The following FGFR1OP2 variants were observed in gnomAD, a reference collection of about 807,000 sequenced individuals.
The protein encoded by FGFR1OP2 is FGFR1 oncogene partner 2, also known as fibroblast growth factor receptor 1 oncogene partner 2.
In FGFR1OP2, 17 loss-of-function variants were observed where a neutral mutation model predicts 35.2. That is an observed-to-expected ratio of 0.48 (90% confidence interval 0.33 to 0.73). The LOEUF (loss-of-function observed/expected upper bound fraction) is 0.73, where lower values mean the gene tolerates loss of function less well. FGFR1OP2 is among the 30% of genes least tolerant of loss of function. FGFR1OP2 has a pLI of 0.02. For synonymous variants in FGFR1OP2, 105 were observed against 104.6 expected (o/e 1.00, Z -0.03); for missense variants, 251 against 307.3 (o/e 0.82, Z 1.37).
rs916748168 is a variant in FGFR1OP2, at chr12:26,946,806, C to T, written c.-14-7339C>T. ...CCCGCGCAAAAAGAAACCGTATGTT[C>T]ATTAACAGTCACTTCCCATTCCTCC... On this transcript the variant is annotated intron_variant, in intron 1 of 6. Transcript: ENST00000229395. Among the ~76,000 whole-genome samples the T allele has an allele frequency of 9.8e-5, 15 of 152,286 alleles. No individual in the cohort carries two copies. The East Asian group carries it at 2.5e-3, about 25-fold the overall frequency.
In FGFR1OP2 at chr12:26,964,657, G is replaced by A. The variant is rs1939148876; in HGVS notation, c.686G>A (p.Arg229Lys). 1 of 1,612,934 alleles carries A rather than the reference G, an allele frequency of 6.2e-7. No homozygotes were observed. The highest frequency in any genetic ancestry group is 1.1e-5 in the South Asian group (1 of 91,018). The change falls in exon 7 of 7, where the codon AGG becomes AAG. Residue 229 changes from arginine (R) to lysine (K), a missense_variant. Transcript: ENST00000229395. The stretch of plus-strand genomic sequence containing the variant: ...ACTCGAGAATCATTTTTGAACCTAA[G>A]GAAAGATGATGCGTCGGAAAGTACT... ...QITRESFLNLRKDDASESTSL... is the reference protein window; with the variant it reads ...QITRESFLNLKKDDASESTSL...
chr12:26,940,119 G>A (rs1195493674), intron 1 of FGFR1OP2, among the ~76,000 whole-genome samples: 1 of 152,176 alleles, frequency 6.6e-6, no homozygotes, highest in Non-Finnish European at 1.5e-5. Flanking sequence ...TTAGACTACA[G>A]ACAGTGCTTG....
At chr12:26,946,908 C>T (rs1038847464) in intron 1 of FGFR1OP2, among the ~76,000 whole-genome samples, 1 of 152,100 alleles carries the variant, frequency 6.6e-6, no homozygotes, top group African/African-American at 2.4e-5. Flanking sequence ...CTTTTGGACA[C>T]TATATAAATG....
chr12:26,960,794 A>T (rs377715839), intron 5 of FGFR1OP2, 166 bp downstream of exon 5: 1 of 1,117,392 alleles, frequency 8.9e-7, no homozygotes, highest in East Asian at 2.9e-5. Context: ...TAGAAACTTT[A>T]AATCTCTCAT....
rs1363483999 is a variant in FGFR1OP2 at position 26,960,538 on chromosome 12, G to A, written c.420G>A (p.Lys140=). ...HSKIDMVHRN[K]SEGFFLDASR... ...AGATTGACATGGTACATCGTAACAA[G>A]TCCGAAGGATTCTTCCTTGATGCAT... Residue 140 remains lysine, a synonymous_variant, in exon 5 of 7, where the codon AAG becomes AAA. Coordinates refer to ENST00000229395, the MANE Select transcript of FGFR1OP2 (RefSeq NM_015633.3). 1.9e-6 allele frequency: 3 copies of A among 1,613,086 alleles called. No homozygotes were observed. Among genetic ancestry groups the A allele is most frequent in the Middle Eastern group, 1.6e-4 (1 of 6,080 alleles).
chr12:26,960,723 C>A, intron 5 of FGFR1OP2, 95 bp downstream of exon 5: 1 of 1,451,814 alleles, frequency 6.9e-7, no homozygotes, highest in South Asian at 1.4e-5. Flanking sequence ...CAGATTAGAT[C>A]AGCAAATAAA....
At chr12:26,958,338 A>G (rs1329610730) in intron 4 of FGFR1OP2, among the ~76,000 whole-genome samples, 1 of 152,214 alleles carries the variant, frequency 6.6e-6, no homozygotes, top group Non-Finnish European at 1.5e-5. Flanking sequence ...TCCCATCTAG[A>G]CAACCGAGTG....
At chr12:26,945,134 G>A (rs1026749824) in intron 1 of FGFR1OP2, among the ~76,000 whole-genome samples, 1 of 151,898 alleles carries the variant, frequency 6.6e-6, no homozygotes, top group Admixed American at 6.6e-5. Context: ...TTTTCAGGAG[G>A]TTTTTCAATT....
chr12:26,939,484 A>G lies in FGFR1OP2; in HGVS notation c.-15+774A>G, dbSNP rs77879463. 4.8e-3 allele frequency among the ~76,000 whole-genome samples: 731 copies of G among 152,236 alleles called. 35 individuals carry two copies. The East Asian group carries it at 0.12, about 24-fold the overall frequency. On this transcript the variant is annotated intron_variant, in intron 1 of 6. Coordinates refer to ENST00000229395, the MANE Select transcript of FGFR1OP2 (RefSeq NM_015633.3). ...TAGTCCTGCTTTAATATCCTACCAT[A>G]CAAGACTATACTGGCTATTTCCCCA...
chr12:26,942,434 G>A (rs1938751380), intron 1 of FGFR1OP2, among the ~76,000 whole-genome samples: 1 of 152,228 alleles, frequency 6.6e-6, no homozygotes, highest in Non-Finnish European at 1.5e-5. Flanking sequence ...CTCAGATTCA[G>A]AAAGCTACCA....
intron 1 of FGFR1OP2, among the ~76,000 whole-genome samples, chr12:26,952,448 A>G (rs1336287102): frequency 1.3e-5 from 2 of 152,084 alleles, no homozygotes; most frequent in Non-Finnish European, 2.9e-5. Context: ...AACCTCCTGA[A>G]TCTTACAAGA....
At chr12:26,947,308 A>G (rs1938844086) in intron 1 of FGFR1OP2, among the ~76,000 whole-genome samples, 1 of 151,994 alleles carries the variant, frequency 6.6e-6, no homozygotes, top group African/African-American at 2.4e-5. Context: ...GTGGTTTTGA[A>G]TTGCATTTCA....
chr12:26,959,287 T>C (rs1939068780), intron 4 of FGFR1OP2, among the ~76,000 whole-genome samples: 1 of 152,118 alleles, frequency 6.6e-6, no homozygotes, highest in Admixed American at 6.5e-5. Context: ...AAAATTTAAC[T>C]ATTGTTAATG....
intron 5 of FGFR1OP2, 36 bp downstream of exon 5, chr12:26,960,664 A>T: frequency 6.3e-7 from 1 of 1,581,858 alleles, no homozygotes; most frequent in Non-Finnish European, 8.6e-7. Context: ...TGGGGTGTGG[A>T]TGGAAGGGGG....
intron 4 of FGFR1OP2, among the ~76,000 whole-genome samples, chr12:26,960,154 C>A (rs1226775121): frequency 6.6e-6 from 1 of 150,680 alleles, no homozygotes; most frequent in East Asian, 1.9e-4. Flanking sequence ...TGTTTAGGTA[C>A]TAGTGCTCTG....
At chr12:26,942,298 T>G (rs1938748723) in intron 1 of FGFR1OP2, among the ~76,000 whole-genome samples, 1 of 152,248 alleles carries the variant, frequency 6.6e-6, no homozygotes, top group African/African-American at 2.4e-5. Flanking sequence ...CCCAAAGTGC[T>G]GGGATTACAG....
intron 2 of FGFR1OP2, among the ~76,000 whole-genome samples, 163 bp downstream of exon 2, chr12:26,954,456 A>G (rs1239093037): frequency 2.0e-5 from 3 of 152,202 alleles, no homozygotes; most frequent in Non-Finnish European, 2.9e-5. Context: ...TGTTCAGGTG[A>G]TATACCTAGA....
intron 3 of FGFR1OP2, among the ~76,000 whole-genome samples, chr12:26,957,048 C>G (rs998081778): frequency 6.6e-6 from 1 of 152,172 alleles, no homozygotes; most frequent in African/African-American, 2.4e-5. Flanking sequence ...TTACAGGGTC[C>G]CTAAAAATCA....
At chr12:26,940,634 T>C (rs538569000) in intron 1 of FGFR1OP2, among the ~76,000 whole-genome samples, 1 of 152,306 alleles carries the variant, frequency 6.6e-6, no homozygotes, top group Admixed American at 6.5e-5. Flanking sequence ...TAAACTAGAT[T>C]GTTGACATTT....
Sources: allele counts gnomAD v4.1 joint callset (sites outside exome capture counted in the v4.1 genomes callset), GRCh38; gene constraint gnomAD v4.1.1; transcripts MANE v1.5; gene names NCBI Gene and HGNC (gene_info 2026-07-23, HGNC 2026-07-21).